Variants in FBXW10B observed in about 807,000 individuals in gnomAD.
The protein encoded by FBXW10B is F-box and WD repeat domain containing 10B.
At chr17:15,604,723 G>C in the FBXW10B span, among the ~76,000 whole-genome samples, 51 of 152,172 alleles carry the variant, frequency 3.4e-4, no homozygotes, top group South Asian at 8.1e-3. Flanking sequence ...TTGTTTAGTA[G>C]AGACGGGGTT....
chr17:15,581,949 A>C, the FBXW10B span, among the ~76,000 whole-genome samples: 3 of 151,818 alleles, frequency 2.0e-5, no homozygotes, highest in Non-Finnish European at 2.9e-5. Flanking sequence ...CAGATGTCAG[A>C]GTAACACTTG....
the FBXW10B span, among the ~76,000 whole-genome samples, chr17:15,567,386 A>T: frequency 6.6e-6 from 1 of 152,088 alleles, no homozygotes; most frequent in South Asian, 2.1e-4. Flanking sequence ...TGATGAGCTC[A>T]TTGTTTATTA....
the FBXW10B span, among the ~76,000 whole-genome samples, chr17:15,590,320 G>A: frequency 0.68 from 95,957 of 141,480 alleles, 32,614 homozygotes; most frequent in Middle Eastern, 0.78. Flanking sequence ...ACAGTGGAGG[G>A]ACTGGCACAG....
At chr17:15,611,726 G>A in the FBXW10B span, among the ~76,000 whole-genome samples, 7 of 150,714 alleles carry the variant, frequency 4.6e-5, no homozygotes, top group Admixed American at 4.6e-4. Context: ...CTATCCTTTT[G>A]GGGCCAATTA....
chr17:15,612,334 C>T, the FBXW10B span, among the ~76,000 whole-genome samples: 20 of 151,700 alleles, frequency 1.3e-4, no homozygotes, highest in East Asian at 2.3e-3. Context: ...GGTGAAACCC[C>T]GCCTCTACTA....
At chr17:15,585,650 T>C in the FBXW10B span, among the ~76,000 whole-genome samples, 1 of 152,192 alleles carries the variant, frequency 6.6e-6, no homozygotes, top group African/African-American at 2.4e-5. Flanking sequence ...AGGAGCATTG[T>C]TGTGGTGGAG....
the FBXW10B span, among the ~76,000 whole-genome samples, chr17:15,575,712 A>G: frequency 2.6e-5 from 4 of 151,060 alleles, no homozygotes; most frequent in African/African-American, 7.4e-5. Flanking sequence ...ATGAGAGAAA[A>G]TTTGATTGCT....
At chr17:15,614,134 C>T in the FBXW10B span, 1 of 1,373,082 alleles carries the variant, frequency 7.3e-7, no homozygotes, top group Non-Finnish European at 1.0e-6. Flanking sequence ...AAATAAACCT[C>T]CTCAGACTCT....
At chr17:15,591,956 G>A in the FBXW10B span, among the ~76,000 whole-genome samples, 5 of 152,086 alleles carry the variant, frequency 3.3e-5, no homozygotes, top group African/African-American at 1.2e-4. Flanking sequence ...AAAGAGCTCC[G>A]GAACTTGCCC....
the FBXW10B span, among the ~76,000 whole-genome samples, chr17:15,608,389 T>A: frequency 6.6e-6 from 1 of 151,586 alleles, no homozygotes; most frequent in African/African-American, 2.4e-5. Context: ...CTCGATCTCT[T>A]GACCTTGTGA....
At chr17:15,609,589 C>T in the FBXW10B span, among the ~76,000 whole-genome samples, 1 of 151,278 alleles carries the variant, frequency 6.6e-6, no homozygotes, top group East Asian at 2.0e-4. Context: ...CTTTCTCACA[C>T]CATATCCTTC....
At chr17:15,571,870 A>G in the FBXW10B span, 1 of 152,140 alleles carries the variant, frequency 6.6e-6, no homozygotes, top group African/African-American at 2.4e-5. Context: ...GAAGACAGAG[A>G]CAAAAGACAG....
the FBXW10B span, among the ~76,000 whole-genome samples, chr17:15,606,024 G>A: frequency 7.0e-6 from 1 of 142,818 alleles, no homozygotes; most frequent in Non-Finnish European, 1.5e-5. Context: ...ACCAAATAAT[G>A]TATTGTCCAA....
chr17:15,575,447 C>A, the FBXW10B span, among the ~76,000 whole-genome samples: 1 of 149,672 alleles, frequency 6.7e-6, no homozygotes, highest in Non-Finnish European at 1.5e-5. Context: ...GCTGCTCCAT[C>A]CAGTTACTCT....
chr17:15,603,324 C>T, the FBXW10B span, among the ~76,000 whole-genome samples: 1 of 152,064 alleles, frequency 6.6e-6, no homozygotes, highest in Non-Finnish European at 1.5e-5. Context: ...CTCCAGCCTG[C>T]TGGCCCCACA....
At chr17:15,612,445 C>T in the FBXW10B span, among the ~76,000 whole-genome samples, 4 of 151,736 alleles carry the variant, frequency 2.6e-5, no homozygotes, top group African/African-American at 9.7e-5. Context: ...ACCCGGGAGG[C>T]GGAGCTTGCA....
the FBXW10B span, among the ~76,000 whole-genome samples, chr17:15,601,074 A>G: frequency 8.9e-4 from 132 of 147,956 alleles, 2 homozygotes; most frequent in Non-Finnish European, 1.6e-3. Context: ...AAAAAAAGAT[A>G]ATATATTGTC....
At chr17:15,601,136 G>A in the FBXW10B span, among the ~76,000 whole-genome samples, 31,987 of 148,830 alleles carry the variant, frequency 0.21, 3,809 homozygotes, top group East Asian at 0.36. Flanking sequence ...TTGGCCAGGT[G>A]CAGTAGCTCA....
At chr17:15,582,925 A>G in the FBXW10B span, among the ~76,000 whole-genome samples, 1 of 149,950 alleles carries the variant, frequency 6.7e-6, no homozygotes, top group African/African-American at 2.5e-5. Flanking sequence ...TCAACGAAGC[A>G]TTTGATAAAA....
Sources: allele counts gnomAD v4.1 joint callset (sites outside exome capture counted in the v4.1 genomes callset), GRCh38; gene constraint gnomAD v4.1.1; transcripts MANE v1.5; gene names NCBI Gene and HGNC (gene_info 2026-07-23, HGNC 2026-07-21).